Variants in DTNA observed in about 807,000 individuals in gnomAD.
DTNA encodes the protein dystrophin-related protein 3.
A neutral mutation model predicts 100.7 loss-of-function variants in DTNA; 43 were observed. That is an observed-to-expected ratio of 0.43 (90% CI 0.33 to 0.55). The LOEUF is 0.55. Among genes scored for constraint, DTNA ranks in the 20% least tolerant of loss-of-function variants. The pLI, the probability that DTNA is intolerant of heterozygous loss-of-function variation, is 0.04. For missense variants in DTNA, 798 were observed against 953.9 expected (o/e 0.84, Z 2.15); for synonymous variants, 349 against 347.9 (o/e 1.00, Z -0.04).
intron 1 of DTNA, among the ~76,000 whole-genome samples, chr18:34,532,770 A>G (rs73946103): frequency 0.13 from 19,566 of 149,644 alleles, 1,656 homozygotes; most frequent in African/African-American, 0.25. Flanking sequence ...ATATATATAT[A>G]TGTGTGTGTG....
chr18:34,696,561 A>C (rs1233411283), intron 1 of DTNA, among the ~76,000 whole-genome samples: 1 of 152,172 alleles, frequency 6.6e-6, no homozygotes, highest in Non-Finnish European at 1.5e-5. Context: ...CTGGCGACAG[A>C]GTGAGACTCC....
In DTNA at chr18:34,834,812, A is replaced by G. The variant is rs112389242; in HGVS notation, c.1176-3282A>G. Among the ~76,000 whole-genome samples the G allele has an allele frequency of 6.6e-3, 998 of 152,272 alleles. 15 individuals are homozygous for G. Among genetic ancestry groups the G allele is most frequent in the African/African-American group, 0.023 (936 of 41,554 alleles). On this transcript the variant is annotated intron_variant, in intron 11 of 22. Transcript: ENST00000444659. ...ACCCAAACACCTCCCATTAGGACCT[A>G]TTTCCAACATTGAGGATCAAATTTC...
chr18:34,686,899 C>T (rs2078985187), intron 1 of DTNA, among the ~76,000 whole-genome samples: 1 of 151,974 alleles, frequency 6.6e-6, no homozygotes, highest in Admixed American at 6.6e-5. Context: ...AGAATTTATC[C>T]ATTTCTCCTA....
At chr18:34,797,886 G>T (rs1290678552) in intron 4 of DTNA, among the ~76,000 whole-genome samples, 2 of 152,144 alleles carry the variant, frequency 1.3e-5, no homozygotes, top group Non-Finnish European at 2.9e-5. Flanking sequence ...CTTTAGGAAA[G>T]AACCATATTT....
At chr18:34,840,082 C>G (rs888870135) in intron 13 of DTNA, among the ~76,000 whole-genome samples, 7 of 152,116 alleles carry the variant, frequency 4.6e-5, no homozygotes, top group Admixed American at 4.6e-4. Flanking sequence ...TTTTAGTTCT[C>G]ATGAACTGAT....
At chr18:34,819,764 A>G (rs1183950334) in intron 8 of DTNA, among the ~76,000 whole-genome samples, 1 of 152,062 alleles carries the variant, frequency 6.6e-6, no homozygotes, top group Admixed American at 6.5e-5. Flanking sequence ...TAACTGTTCT[A>G]AGAATTACAT....
At chr18:34,879,266 A>T (rs2096849055) in intron 19 of DTNA, among the ~76,000 whole-genome samples, 1 of 152,234 alleles carries the variant, frequency 6.6e-6, no homozygotes, top group South Asian at 2.1e-4. Context: ...TCTCTTACAG[A>T]AAGGAAAAAG....
intron 2 of DTNA, among the ~76,000 whole-genome samples, chr18:34,762,354 A>T (rs1010084608): frequency 6.6e-6 from 1 of 152,204 alleles, no homozygotes; most frequent in Non-Finnish European, 1.5e-5. Context: ...GGGGGATGTC[A>T]TGACCATGTC....
chr18:34,759,767 C>T (rs56081447), intron 2 of DTNA, among the ~76,000 whole-genome samples: 14,838 of 152,134 alleles, frequency 0.098, 722 homozygotes, highest in South Asian at 0.11. Context: ...CTGCAACCTC[C>T]GCCTCCCTGT....
chr18:34,521,865 G>C (rs1459066773), intron 1 of DTNA, among the ~76,000 whole-genome samples: 1 of 152,078 alleles, frequency 6.6e-6, no homozygotes, highest in Non-Finnish European at 1.5e-5. Context: ...TGACACTGAA[G>C]CATACATATA....
chr18:34,817,169 C>G (rs2095614709), intron 7 of DTNA, among the ~76,000 whole-genome samples: 1 of 152,152 alleles, frequency 6.6e-6, no homozygotes, highest in Non-Finnish European at 1.5e-5. Flanking sequence ...GATTGAAGTC[C>G]CACTCTAGTC....
intron 1 of DTNA, among the ~76,000 whole-genome samples, chr18:34,658,537 A>G (rs1234041581): frequency 1.3e-5 from 2 of 152,024 alleles, no homozygotes; most frequent in South Asian, 2.1e-4. Flanking sequence ...GTATTTTTGT[A>G]GAGATGGGGT....
At chr18:34,862,140 A>AAAAGAAAAAAAAAAAAAAAAAAAAAAG (rs1555881845) in intron 16 of DTNA, among the ~76,000 whole-genome samples, 1 of 146,928 alleles carries the variant, frequency 6.8e-6, no homozygotes, top group Non-Finnish European at 1.5e-5. Flanking sequence ...AAAAAAAAAA[A>AAAAGAAAAAAAAAAAAAAAAAAAAAAG]AAAGAGAAAG....
At chr18:34,691,524 T>C (rs1319499035) in intron 1 of DTNA, among the ~76,000 whole-genome samples, 1 of 152,238 alleles carries the variant, frequency 6.6e-6, no homozygotes, top group African/African-American at 2.4e-5. Flanking sequence ...GAAAATATCA[T>C]CCAAGTACTC....
At chr18:34,589,750 C>G (rs541780210) in intron 1 of DTNA, among the ~76,000 whole-genome samples, 11 of 152,060 alleles carry the variant, frequency 7.2e-5, no homozygotes, top group Non-Finnish European at 1.5e-4. Context: ...CTTTTTGTAC[C>G]TTTTGATCTA....
At chr18:34,809,239 T>C (rs1396248531) in intron 5 of DTNA, among the ~76,000 whole-genome samples, 1 of 152,062 alleles carries the variant, frequency 6.6e-6, no homozygotes, top group Non-Finnish European at 1.5e-5. Context: ...TGCCCCTTGG[T>C]GAGTGGGATT....
intron 1 of DTNA, among the ~76,000 whole-genome samples, chr18:34,559,683 G>C (rs1277632521): frequency 6.6e-6 from 1 of 152,070 alleles, no homozygotes; most frequent in Non-Finnish European, 1.5e-5. Context: ...AGAAGTAAAG[G>C]TTGCATCCTC....
In DTNA at chr18:34,864,077, A is replaced by T. The variant is rs760933198; in HGVS notation, c.1743+15A>T. On this transcript the variant is annotated intron_variant, in intron 17 of 22. Coordinates refer to ENST00000444659, the MANE Select transcript of DTNA (RefSeq NM_001386795.1). The stretch of plus-strand genomic sequence containing the variant: ...AGCTACTAAAGGTAAGACCTGCCAG[A>T]TAAATTTTCCTGAGCTTATTTTCCA... The T allele has an allele frequency of 8.2e-6, 13 of 1,593,678 alleles. No homozygotes were observed. In the East Asian group the frequency reaches 2.7e-4, roughly 33 times the overall value.
intron 1 of DTNA, among the ~76,000 whole-genome samples, chr18:34,683,149 GC>G (rs1339828030): frequency 4.6e-5 from 7 of 152,070 alleles, no homozygotes; most frequent in Non-Finnish European, 7.4e-5. Flanking sequence ...CTTTTCACCT[GC>G]AGTTGAGAGA....
Sources: gnomAD v4.1 joint callset for allele counts (sites outside exome capture counted in the v4.1 genomes callset) on GRCh38, gnomAD v4.1.1 for gene constraint, MANE v1.5 for transcripts, NCBI Gene and HGNC (gene_info 2026-07-23, HGNC 2026-07-21) for gene names.